The following MASP1 variants were observed in gnomAD, a reference collection of about 807,000 sequenced individuals.
The protein encoded by MASP1 is MBL associated serine protease 1.
MASP1 carries 59 observed loss-of-function variants against 77.1 expected under a neutral mutation model. That is an observed-to-expected ratio of 0.77 (90% CI 0.62 to 0.95). The LOEUF is 0.95. Ranked by LOEUF, MASP1 falls within the 40% of genes least tolerant of loss-of-function variation. MASP1 has a pLI of 0.00. For missense variants in MASP1, 885 were observed against 912.9 expected (o/e 0.97, Z 0.39); for synonymous variants, 362 against 354.5 (o/e 1.02, Z -0.24).
chr3:187,238,081 A>G (rs2108516626), intron 10 of MASP1, among the ~76,000 whole-genome samples: 1 of 152,198 alleles, frequency 6.6e-6, no homozygotes, highest in East Asian at 1.9e-4. Context: ...CAACATCTCA[A>G]TGCAGCTCTG....
intron 6 of MASP1, among the ~76,000 whole-genome samples, chr3:187,252,345 C>G (rs1342158510): frequency 6.6e-6 from 1 of 152,208 alleles, no homozygotes; most frequent in African/African-American, 2.4e-5. Context: ...AAGGATGACC[C>G]AAATTGCTCT....
chr3:187,253,730 A>G (rs1714828605), intron 5 of MASP1, among the ~76,000 whole-genome samples: 1 of 152,132 alleles, frequency 6.6e-6, no homozygotes, highest in African/African-American at 2.4e-5. Context: ...CAGCAAACTA[A>G]CACAGGAGCA....
chr3:187,238,486 C>T (rs923541311), intron 10 of MASP1, among the ~76,000 whole-genome samples: 4 of 152,180 alleles, frequency 2.6e-5, no homozygotes, highest in African/African-American at 9.6e-5. Flanking sequence ...TTATTGGCTG[C>T]TGCCATTCCC....
Position 187,239,141 on chromosome 3 carries a change from G to A in MASP1, c.1303+2340C>T, listed in dbSNP as rs998544437. Reference sequence around the variant, plus strand: ...GCGGATCACCTGAGGTGGGGAGTTCGAGACCAGCCTGACCAACATAGAGAA... The same window carrying A: ...GCGGATCACCTGAGGTGGGGAGTTCAAGACCAGCCTGACCAACATAGAGAA... On this transcript the variant is annotated intron_variant, in intron 10 of 10. Coordinates refer to ENST00000296280, the MANE Select transcript of MASP1 (RefSeq NM_139125.4). Among the ~76,000 whole-genome samples the A allele has an allele frequency of 4.0e-5, 6 of 150,310 alleles. No homozygotes were observed. The South Asian group carries it at 8.4e-4, about 21-fold the overall frequency.
At chr3:187,290,163 G>A (rs893365998) in intron 1 of MASP1, among the ~76,000 whole-genome samples, 6 of 152,150 alleles carry the variant, frequency 3.9e-5, no homozygotes, top group South Asian at 4.1e-4. Context: ...TAAACAAGGG[G>A]ATACTACAAG....
chr3:187,258,250 G>A (rs938833981), intron 4 of MASP1, among the ~76,000 whole-genome samples: 3 of 152,212 alleles, frequency 2.0e-5, no homozygotes, highest in Non-Finnish European at 2.9e-5. Flanking sequence ...GAATGGACAA[G>A]ACATTGATTT....
At chr3:187,232,872 C>T (rs1250060170), downstream of MASP1, among the ~76,000 whole-genome samples, 1 of 152,162 alleles carries the variant, frequency 6.6e-6, no homozygotes, top group African/African-American at 2.4e-5. Context: ...TTTTCATTCT[C>T]AATAGTGTAA....
intron 10 of MASP1, among the ~76,000 whole-genome samples, chr3:187,239,568 C>CT (rs1328024181): frequency 2.0e-5 from 3 of 152,016 alleles, no homozygotes; most frequent in Admixed American, 6.6e-5. Context: ...CTATCCCTAG[C>CT]TTTTTTTTGC....
At chr3:187,232,226 TCCC>T (rs113770534), downstream of MASP1, among the ~76,000 whole-genome samples, 1 of 148,762 alleles carries the variant, frequency 6.7e-6, no homozygotes, top group African/African-American at 2.6e-5. Context: ...TCTGATCCCT[TCCC>T]CCCCCCCCCT....
intron 1 of MASP1, among the ~76,000 whole-genome samples, chr3:187,288,809 C>T (rs190423960): frequency 1.0e-3 from 154 of 152,346 alleles, no homozygotes; most frequent in African/African-American, 3.4e-3. Context: ...GCAGACAGCC[C>T]TGTGTAGCCC....
chr3:187,281,326 G>A (rs1003396683), intron 2 of MASP1, among the ~76,000 whole-genome samples: 4 of 146,232 alleles, frequency 2.7e-5, no homozygotes, highest in Admixed American at 6.8e-5. Context: ...CATCATCATC[G>A]CCCCTATGGG....
chr3:187,256,786 T>G lies in MASP1; in HGVS notation c.622A>C (p.Lys208Gln), dbSNP rs1457349355. 2 of 1,613,842 alleles carry G rather than the reference T, an allele frequency of 1.2e-6. No individual in the cohort carries two copies. Among genetic ancestry groups the G allele is most frequent in the Non-Finnish European group, 1.7e-6 (2 of 1,179,966 alleles). ...ATGGTATACAGGCATTCAGAGCTCT[T>G]GGGGTAAGGGTTTGGGAAGTCAGGG... Reference protein sequence around the residue: ...TSPDFPNPYPKSSECLYTIEL... With the variant: ...TSPDFPNPYPQSSECLYTIEL... Residue 208 changes from lysine to glutamine, a missense_variant, in exon 5 of 11, where the codon AAG becomes CAG. Transcript: ENST00000296280.
At chr3:187,219,968 G>A in exon 16 of MASP1, 2 of 1,216,398 alleles carry the variant, frequency 1.6e-6, no homozygotes, top group South Asian at 1.3e-5. Context: ...GCCGAAGGAG[G>A]GGGGATGGGA....
chr3:187,270,306 C>G (rs1320996328), intron 2 of MASP1, among the ~76,000 whole-genome samples: 1 of 152,174 alleles, frequency 6.6e-6, no homozygotes, highest in Admixed American at 6.5e-5. Flanking sequence ...TTAGCAAAAT[C>G]TTTGCTGAAT....
intron 11 of MASP1, among the ~76,000 whole-genome samples, chr3:187,228,893 C>T (rs2108505803): frequency 6.6e-6 from 1 of 152,292 alleles, no homozygotes; most frequent in East Asian, 1.9e-4. Flanking sequence ...TAGCCCAGAC[C>T]TGATGCCTTG....
chr3:187,230,660 T>C (rs1373941526), downstream of MASP1, among the ~76,000 whole-genome samples: 1 of 152,176 alleles, frequency 6.6e-6, no homozygotes, highest in South Asian at 2.1e-4. Flanking sequence ...CATTTTCCAC[T>C]GGCTTGGATT....
At chr3:187,282,490 C>T (rs1440087546) in intron 2 of MASP1, among the ~76,000 whole-genome samples, 1 of 49,264 alleles carries the variant, frequency 2.0e-5, no homozygotes, top group Admixed American at 2.8e-4. Flanking sequence ...AGCAAGATTC[C>T]GTTTCAAAAA....
At chr3:187,280,989 T>A (rs1717362292) in intron 2 of MASP1, among the ~76,000 whole-genome samples, 1 of 152,196 alleles carries the variant, frequency 6.6e-6, no homozygotes, top group South Asian at 2.1e-4. Flanking sequence ...CCATTTTAGG[T>A]GCAGTCATCT....
chr3:187,243,626 G>A lies in MASP1; in HGVS notation c.1091-5C>T, dbSNP rs769295213. On this transcript the variant is annotated splice_polypyrimidine_tract_variant and splice_region_variant and intron_variant, in intron 8 of 10. Coordinates refer to ENST00000296280, the MANE Select transcript of MASP1 (RefSeq NM_139125.4). ...CTGGGGCTCTACAGTCTACAACTGA[G>A]AGAGAAGAAGTGAGACCCCTCAACT... 1.2e-6 allele frequency: 2 copies of A among 1,614,176 alleles called. No homozygotes were observed. Among genetic ancestry groups the A allele is most frequent in the East Asian group, 4.5e-5 (2 of 44,886 alleles).
Sources: gnomAD v4.1 joint callset for allele counts (sites outside exome capture counted in the v4.1 genomes callset) on GRCh38, gnomAD v4.1.1 for gene constraint, MANE v1.5 for transcripts, NCBI Gene and HGNC (gene_info 2026-07-23, HGNC 2026-07-21) for gene names.